Variants in PATL1 observed in about 807,000 individuals in gnomAD.
PATL1 encodes protein PAT1 homolog 1.
Under a neutral mutation model 100.6 loss-of-function variants are expected in PATL1, and 32 were observed. The ratio of observed to expected loss-of-function variants is 0.32; its 90% confidence interval spans 0.24 to 0.43. PATL1 has a LOEUF of 0.43. Ranked by LOEUF, PATL1 falls within the 20% of genes least tolerant of loss-of-function variation. PATL1 has a pLI of 1.00. For synonymous variants in PATL1, 332 were observed against 330.0 expected, an observed-to-expected ratio of 1.01 and a Z score of -0.07; for missense variants, 747 against 949.9, an observed-to-expected ratio of 0.79 and a Z score of 2.81.
intron 9 of PATL1, among the ~76,000 whole-genome samples, chr11:59,653,632 C>A (rs1399178528): frequency 6.6e-6 from 1 of 152,192 alleles, no homozygotes; most frequent in African/African-American, 2.4e-5. Context: ...CCCCTCTAGA[C>A]CCAGTTTCCA....
intron 1 of PATL1, among the ~76,000 whole-genome samples, 156 bp downstream of exon 1, chr11:59,668,725 G>A (rs1273956438): frequency 4.6e-5 from 7 of 152,112 alleles, no homozygotes; most frequent in Non-Finnish European, 7.4e-5. Context: ...CCTAGGATTA[G>A]ACCCGCGACC....
intron 2 of PATL1, 70 bp from the exon 3 acceptor site, chr11:59,659,539 T>G (rs1565135544): frequency 7.8e-7 from 1 of 1,281,690 alleles, no homozygotes; most frequent in Non-Finnish European, 1.1e-6. Flanking sequence ...CAATTATTGT[T>G]TTTTTTTTTT....
Position 59,639,068 on chromosome 11 carries a change from G to C in PATL1, c.2271C>G (p.Asn757Lys). Residue 757 changes from asparagine (N) to lysine (K), a missense_variant, in exon 18 of 19, where the codon AAC becomes AAG. Physicochemically the swap from Asn to Lys is moderately conservative, Grantham distance 94 (BLOSUM62 0). Coordinates refer to ENST00000300146, the MANE Select transcript of PATL1 (RefSeq NM_152716.3). ...FSRYVDRQKL[N>K]LLETKLQLVQ... The stretch of plus-strand genomic sequence containing the variant: ...CTTACTGCAGTTTTGTCTCCAGCAA[G>C]TTCAGTTTCTGCCGGTCAACATAGC... 6.2e-7 allele frequency: 1 copy of C among 1,613,726 alleles called. No homozygotes were observed. The highest frequency in any genetic ancestry group is 1.1e-5 in the South Asian group (1 of 91,040).
chr11:59,666,273 A>C (rs1221224086), intron 2 of PATL1, among the ~76,000 whole-genome samples: 4 of 152,126 alleles, frequency 2.6e-5, no homozygotes, highest in Non-Finnish European at 2.9e-5. Flanking sequence ...TAAATAAATA[A>C]TATGTATCTA....
intron 12 of PATL1, 42 bp from the exon 13 acceptor site, chr11:59,650,855 G>T: frequency 7.3e-7 from 1 of 1,364,634 alleles, no homozygotes; most frequent in Non-Finnish European, 1.0e-6. Context: ...CTTTATCTCT[G>T]TTAAAATAAT....
At chr11:59,663,171 G>A (rs146954002) in intron 2 of PATL1, among the ~76,000 whole-genome samples, 20 of 152,230 alleles carry the variant, frequency 1.3e-4, no homozygotes, top group African/African-American at 4.8e-4. Context: ...GTAGGCAAAA[G>A]AATAACAGAC....
intron 13 of PATL1, among the ~76,000 whole-genome samples, chr11:59,650,257 G>A (rs1238341710): frequency 1.3e-5 from 2 of 152,044 alleles, no homozygotes; most frequent in Non-Finnish European, 2.9e-5. Context: ...CTCAGAAATG[G>A]AAAAAGACAT....
At chr11:59,645,270 T>C (rs1311021057) in intron 15 of PATL1, among the ~76,000 whole-genome samples, 3 of 42,602 alleles carry the variant, frequency 7.0e-5, no homozygotes, top group Admixed American at 6.1e-4. Context: ...ATTGTCATCA[T>C]GGCCCGTTCT....
chr11:59,654,040 G>A lies in PATL1; in HGVS notation c.1064C>T (p.Thr355Ile), dbSNP rs748297825. ...SQAPMFRPDT[T>I]HLHPQHRRLL... The stretch of plus-strand genomic sequence containing the variant: ...TCGACGGTGCTGTGGATGGAGGTGA[G>A]TTGTGTCCGGTCTAAACATTGGGGC... The change falls in exon 9 of 19, where the codon ACT becomes ATT. Residue 355 changes from threonine (T) to isoleucine (I), a missense_variant. Thr to Ile is a moderately conservative substitution (Grantham distance 89, BLOSUM62 -1). Around this residue, in one of 4 missense-constraint regions of PATL1, gnomAD observed 434 missense variants for 596.1 expected, o/e 0.73. Transcript: ENST00000300146. 1 of 1,613,846 alleles carries A rather than the reference G, an allele frequency of 6.2e-7. No homozygotes were observed. The highest frequency in any genetic ancestry group is 8.5e-7 in the Non-Finnish European group (1 of 1,179,778).
At position 59,660,859 on chromosome 11, in the gene PATL1, T is replaced by C. The variant is rs557176149; in HGVS notation, c.128-1390A>G. 1.2e-4 allele frequency among the ~76,000 whole-genome samples: 18 copies of C among 152,312 alleles called. No homozygotes were observed. The South Asian group carries it at 3.7e-3, about 32-fold the overall frequency. On this transcript the variant is annotated intron_variant, in intron 2 of 18. Coordinates refer to ENST00000300146, the MANE Select transcript of PATL1 (RefSeq NM_152716.3). The stretch of plus-strand genomic sequence containing the variant: ...TATGTCTGCTATTACTGCACACTAC[T>C]ATAAAGTCTGTAGCACTGACATTAA...
In PATL1 at chr11:59,647,822, C is replaced by T; in HGVS notation, c.1825G>A (p.Ala609Thr). Reference protein sequence around the residue: ...RILPFLSTEQAADILMTTARN... With the variant: ...RILPFLSTEQTADILMTTARN... ...GCTGTTGTCATGAGAATGTCAGCTG[C>T]TTGCTCTGTGGAGAGGAAAGGAAGA... The change falls in exon 15 of 19, where the codon GCA becomes ACA. Residue 609 changes from alanine (A) to threonine (T), a missense_variant. Physicochemically the swap from Ala to Thr is moderately conservative, Grantham distance 58 (BLOSUM62 0). Coordinates refer to ENST00000300146, the MANE Select transcript of PATL1 (RefSeq NM_152716.3). 1.2e-6 allele frequency: 2 copies of T among 1,613,958 alleles called. No individual in the cohort carries two copies. Among genetic ancestry groups the T allele is most frequent in the African/African-American group, 2.7e-5 (2 of 75,040 alleles).
chr11:59,659,603 C>T (rs1861600692), intron 2 of PATL1, 134 bp from the exon 3 acceptor site: 2 of 769,360 alleles, frequency 2.6e-6, no homozygotes, highest in African/African-American at 3.5e-5. Context: ...GTGATCTCGG[C>T]TCACCGCAAC....
intron 2 of PATL1, among the ~76,000 whole-genome samples, chr11:59,660,281 T>C (rs1014543496): frequency 2.6e-5 from 4 of 152,228 alleles, no homozygotes; most frequent in Admixed American, 6.5e-5. Context: ...TTTAGACGCA[T>C]GGGATACATT....
rs1001912411 is a variant in PATL1, at chr11:59,654,012, G to C, written c.1092C>G (p.Leu364=). Reference sequence around the variant, plus strand: ...TATTCTGTTGCTGTCTCTGATGCAAGAGTCGACGGTGCTGTGGATGGAGGT... The same window carrying C: ...TATTCTGTTGCTGTCTCTGATGCAACAGTCGACGGTGCTGTGGATGGAGGT... ...TTHLHPQHRR[L]LHQRQQQNRS... The change falls in exon 9 of 19, where the codon CTC becomes CTG. Residue 364 remains leucine, a synonymous_variant. Transcript: ENST00000300146. 6.2e-7 allele frequency: 1 copy of C among 1,613,592 alleles called. No homozygotes were observed. Among genetic ancestry groups the C allele is most frequent in the African/African-American group, 1.3e-5 (1 of 74,912 alleles).
chr11:59,662,857 TTAA>T (rs1182483014), intron 2 of PATL1, among the ~76,000 whole-genome samples: 2 of 152,152 alleles, frequency 1.3e-5, no homozygotes, highest in East Asian at 3.8e-4. Context: ...CTATTTCCCC[TTAA>T]TAATAATATT....
At chr11:59,664,849 G>A (rs1011796023) in intron 2 of PATL1, among the ~76,000 whole-genome samples, 2 of 152,326 alleles carry the variant, frequency 1.3e-5, no homozygotes, top group Middle Eastern at 3.4e-3. Context: ...AGAGCTGTGG[G>A]CTTGAACCAC....
intron 3 of PATL1, 79 bp from the exon 4 acceptor site, chr11:59,659,025 T>C (rs1861589564): frequency 7.7e-7 from 1 of 1,298,530 alleles, no homozygotes; most frequent in Non-Finnish European, 1.1e-6. Context: ...GGGAACAAGG[T>C]TCCAAAAGAG....
chr11:59,644,370 A>T (rs1466972821), intron 15 of PATL1, among the ~76,000 whole-genome samples: 1 of 152,198 alleles, frequency 6.6e-6, no homozygotes, highest in East Asian at 1.9e-4. Context: ...ATCATCTAGT[A>T]TCTGTTTCAA....
At chr11:59,653,780 T>C (rs1410614971) in intron 9 of PATL1, among the ~76,000 whole-genome samples, 1 of 152,238 alleles carries the variant, frequency 6.6e-6, no homozygotes, top group Admixed American at 6.5e-5. Context: ...CTTTTAGTTT[T>C]ACATAAATGG....
Sources: allele counts gnomAD v4.1 joint callset (sites outside exome capture counted in the v4.1 genomes callset), GRCh38; gene constraint gnomAD v4.1.1; regional missense constraint gnomAD v4.1.1; transcripts MANE v1.5; gene names NCBI Gene and HGNC (gene_info 2026-07-23, HGNC 2026-07-21).